Variants in MALRD1 observed in about 807,000 individuals in gnomAD.
MALRD1 encodes MAM and LDL-receptor class A domain-containing protein 1.
A neutral mutation model predicts 242.1 loss-of-function variants in MALRD1; 247 were observed. That is an observed-to-expected ratio of 1.02 (90% CI 0.92 to 1.13). The LOEUF is 1.13. MALRD1 is among the 50% of genes most tolerant of loss of function. The pLI is 0.00. For missense variants in MALRD1, 2,989 were observed against 2,533.1 expected (o/e 1.18, Z -3.86); for synonymous variants, 995 against 866.6 (o/e 1.15, Z -2.60).
At chr10:19,343,116 A>G (rs751974967) in intron 24 of MALRD1, among the ~76,000 whole-genome samples, 2 of 152,078 alleles carry the variant, frequency 1.3e-5, no homozygotes, top group African/African-American at 4.8e-5. Context: ...TGTATATCAC[A>G]GTGTGAAAAA....
At chr10:19,517,868 T>A (rs1564407497) in intron 31 of MALRD1, among the ~76,000 whole-genome samples, 2 of 152,228 alleles carry the variant, frequency 1.3e-5, no homozygotes, top group African/African-American at 4.8e-5. Flanking sequence ...CTGAGGGTCA[T>A]GGGAGGTTTC....
At chr10:19,172,589 C>T (rs1184089741) in intron 13 of MALRD1, among the ~76,000 whole-genome samples, 1 of 151,276 alleles carries the variant, frequency 6.6e-6, no homozygotes, top group Non-Finnish European at 1.5e-5. Context: ...TCACCTCATC[C>T]CAGGGCCCAC....
intron 29 of MALRD1, among the ~76,000 whole-genome samples, chr10:19,483,761 C>T (rs1358257951): frequency 6.6e-6 from 1 of 152,054 alleles, no homozygotes; most frequent in Admixed American, 6.6e-5. Flanking sequence ...ACTCAGCAAT[C>T]CCATTACTGG....
At chr10:19,496,037 G>A (rs1427465511) in intron 30 of MALRD1, among the ~76,000 whole-genome samples, 1 of 152,064 alleles carries the variant, frequency 6.6e-6, no homozygotes, top group Admixed American at 6.5e-5. Context: ...TAAATATATA[G>A]GCACCCAACA....
chr10:19,415,948 T>C (rs757054592), intron 28 of MALRD1, among the ~76,000 whole-genome samples: 2 of 152,198 alleles, frequency 1.3e-5, no homozygotes, highest in Non-Finnish European at 1.5e-5. Context: ...TTTTACTTAA[T>C]GAAGTGGGCT....
At chr10:19,121,856 G>T (rs767405342) in intron 5 of MALRD1, among the ~76,000 whole-genome samples, 1 of 152,166 alleles carries the variant, frequency 6.6e-6, no homozygotes, top group South Asian at 2.1e-4. Flanking sequence ...AATGACAATA[G>T]GGAAGGAAGA....
intron 1 of MALRD1, 41 bp downstream of exon 1, chr10:19,049,178 C>G: frequency 1.6e-6 from 2 of 1,229,624 alleles, no homozygotes; most frequent in Admixed American, 8.4e-5. Context: ...ATTCCCCGTA[C>G]AGCCTGAAAC....
At chr10:19,529,907 A>C (rs952109489) in intron 31 of MALRD1, among the ~76,000 whole-genome samples, 2 of 152,120 alleles carry the variant, frequency 1.3e-5, no homozygotes, top group African/African-American at 4.8e-5. Flanking sequence ...TCATTACTCC[A>C]AGAAGACAAA....
intron 18 of MALRD1, among the ~76,000 whole-genome samples, chr10:19,232,795 A>T (rs1838141375): frequency 6.6e-6 from 1 of 152,092 alleles, no homozygotes; most frequent in South Asian, 2.1e-4. Context: ...GACAATGCTC[A>T]ACAGAATATG....
chr10:19,620,082 G>A (rs1296958089), intron 36 of MALRD1, among the ~76,000 whole-genome samples: 1 of 151,734 alleles, frequency 6.6e-6, no homozygotes, highest in African/African-American at 2.4e-5. Context: ...TATAATCAAA[G>A]ACCTTAAAGT....
chr10:19,256,203 G>A (rs990885639), intron 18 of MALRD1, among the ~76,000 whole-genome samples: 2 of 152,014 alleles, frequency 1.3e-5, no homozygotes, highest in African/African-American at 2.4e-5. Flanking sequence ...TTGTTAGCAT[G>A]TTCTGTGTTT....
intron 13 of MALRD1, among the ~76,000 whole-genome samples, chr10:19,168,482 T>G: frequency 6.6e-6 from 1 of 152,214 alleles, no homozygotes; most frequent in East Asian, 1.9e-4. Context: ...AATTTAGAAA[T>G]ATGAGTTGAA....
intron 38 of MALRD1, among the ~76,000 whole-genome samples, chr10:19,706,358 C>A (rs971340740): frequency 1.3e-5 from 2 of 151,924 alleles, no homozygotes; most frequent in African/African-American, 4.8e-5. Context: ...CTCTTTCGCC[C>A]AGGCTAGAGG....
At chr10:19,664,173 G>A (rs1439363421) in intron 36 of MALRD1, among the ~76,000 whole-genome samples, 1 of 151,122 alleles carries the variant, frequency 6.6e-6, no homozygotes, top group African/African-American at 2.4e-5. Context: ...AAAATGAAAT[G>A]CCTTTACACC....
At chr10:19,063,197 A>T (rs972002995) in intron 1 of MALRD1, among the ~76,000 whole-genome samples, 5 of 152,150 alleles carry the variant, frequency 3.3e-5, no homozygotes, top group African/African-American at 1.2e-4. Flanking sequence ...GTAATGAAAC[A>T]AGGGTAGGAC....
intron 21 of MALRD1, among the ~76,000 whole-genome samples, chr10:19,306,719 C>T (rs1269668071): frequency 6.6e-6 from 1 of 151,298 alleles, no homozygotes; most frequent in Non-Finnish European, 1.5e-5. Context: ...ACTCACAGTT[C>T]AGCATGGCTT....
At chr10:19,709,057 T>C (rs1833993713) in intron 38 of MALRD1, among the ~76,000 whole-genome samples, 1 of 118,398 alleles carries the variant, frequency 8.4e-6, no homozygotes, top group Non-Finnish European at 1.9e-5. Flanking sequence ...TTTACTTTGC[T>C]CTTTCCTAAG....
intron 21 of MALRD1, among the ~76,000 whole-genome samples, chr10:19,306,581 T>C (rs976680163): frequency 6.7e-6 from 1 of 149,206 alleles, no homozygotes; most frequent in African/African-American, 2.5e-5. Context: ...ATACCTTATA[T>C]ATACTGTATA....
chr10:19,440,246 A>G (rs16918798), intron 28 of MALRD1, among the ~76,000 whole-genome samples: 10,131 of 152,136 alleles, frequency 0.067, 1,069 homozygotes, highest in African/African-American at 0.23. Flanking sequence ...TTCAATTTGT[A>G]TTATGGTAAA....
Sources: allele counts gnomAD v4.1 joint callset (sites outside exome capture counted in the v4.1 genomes callset), GRCh38; gene constraint gnomAD v4.1.1; transcripts MANE v1.5; gene names NCBI Gene and HGNC (gene_info 2026-07-23, HGNC 2026-07-21).